Variants in LYN observed in about 807,000 individuals in gnomAD.
LYN encodes LYN proto-oncogene, Src family tyrosine kinase.
LYN carries 12 observed loss-of-function variants against 65.0 expected under a neutral mutation model. That is an observed-to-expected ratio of 0.18 (90% CI 0.12 to 0.30). LYN has a LOEUF of 0.30. Ranked by LOEUF, LYN falls within the 10% of genes least tolerant of loss-of-function variation. The probability of loss-of-function intolerance (pLI) is 1.00; values close to 1 mark genes in which losing one functional copy is unlikely to be tolerated. For missense variants in LYN, 380 were observed against 623.2 expected, an observed-to-expected ratio of 0.61 and a Z score of 4.16; for synonymous variants, 222 against 221.2, an observed-to-expected ratio of 1.00 and a Z score of -0.03.
intron 1 of LYN, among the ~76,000 whole-genome samples, chr8:55,894,887 C>T (rs1194688733): frequency 6.6e-6 from 1 of 152,096 alleles, no homozygotes; most frequent in African/African-American, 2.4e-5. Context: ...CCATGTTGCC[C>T]AGGCTGGTTT....
At chr8:55,945,162 G>A (rs1806737603) in intron 2 of LYN, among the ~76,000 whole-genome samples, 1 of 152,152 alleles carries the variant, frequency 6.6e-6, no homozygotes, top group Admixed American at 6.5e-5. Context: ...GCCATTTTAA[G>A]GAAAAATCTA....
At chr8:55,972,350 C>A (rs1807632233) in intron 10 of LYN, among the ~76,000 whole-genome samples, 1 of 152,184 alleles carries the variant, frequency 6.6e-6, no homozygotes, top group African/African-American at 2.4e-5. Flanking sequence ...GCTGGTGAGA[C>A]CACCTGGTCT....
At chr8:55,921,519 G>A (rs1020655167) in intron 1 of LYN, among the ~76,000 whole-genome samples, 1 of 152,218 alleles carries the variant, frequency 6.6e-6, no homozygotes, top group African/African-American at 2.4e-5. Flanking sequence ...TGATTGTGGA[G>A]AGAAGAAATC....
chr8:55,896,284 A>G (rs958027300), intron 1 of LYN, among the ~76,000 whole-genome samples: 2 of 152,134 alleles, frequency 1.3e-5, no homozygotes, highest in African/African-American at 4.8e-5. Flanking sequence ...AAAAAAAAGA[A>G]AAGAAAAAGA....
chr8:55,953,953 T>C lies in LYN; in HGVS notation c.759T>C (p.Leu253=). 1.2e-6 allele frequency: 2 copies of C among 1,614,108 alleles called. No homozygotes were observed. The highest frequency in any genetic ancestry group is 2.7e-5 in the African/African-American group (2 of 75,046). Residue 253 remains leucine, a synonymous_variant, in exon 8 of 13, where the codon CTT becomes CTC. Transcript: ENST00000519728. ...AGTCCATCAAGTTGGTGAAAAGGCT[T>C]GGCGCTGGGCAGTTTGGGGAAGTCT... ...PRESIKLVKR[L]GAGQFGEVWM...
intron 1 of LYN, among the ~76,000 whole-genome samples, chr8:55,917,217 G>T (rs572750182): frequency 6.6e-6 from 1 of 151,556 alleles, no homozygotes; most frequent in Non-Finnish European, 1.5e-5. Context: ...ATGGGATCTT[G>T]CGCTGTCACC....
In LYN at chr8:56,011,210, C is replaced by G. The variant is rs1002549453; in HGVS notation, c.*1100C>G. ...TGAAGGAACATAAGTGACTACAAGG[C>G]TCTAATAAGCCACGGTGGCAGGAGG... On this transcript the variant is annotated 3_prime_UTR_variant, in exon 13 of 13. Coordinates refer to ENST00000519728, the MANE Select transcript of LYN (RefSeq NM_002350.4). The G allele has an allele frequency of 1.8e-5, 4 of 227,550 alleles. No individual in the cohort carries two copies. Among genetic ancestry groups the G allele is most frequent in the Admixed American group, 1.7e-4 (3 of 17,600 alleles). The allele number at this position is 227,550 out of a possible 1,614,324, so 14.1% of individuals were successfully genotyped here. A position where few individuals can be genotyped will look rare whatever the true frequency, so the allele number is the denominator to read the frequency against.
chr8:55,880,135 GC>G, intron 1 of LYN, 32 bp downstream of exon 1: 1 of 231,614 alleles, frequency 4.3e-6, no homozygotes, highest in Non-Finnish European at 8.6e-6. Context: ...AGGGGTGGGC[GC>G]GGGCACGCGG....
chr8:55,964,726 A>G (rs1807397809), intron 8 of LYN, among the ~76,000 whole-genome samples: 1 of 152,194 alleles, frequency 6.6e-6, no homozygotes, highest in South Asian at 2.1e-4. Flanking sequence ...AGAGAAGAGA[A>G]GAGAAAAGAA....
chr8:55,929,311 T>C (rs1037591648), intron 1 of LYN, among the ~76,000 whole-genome samples: 1 of 152,214 alleles, frequency 6.6e-6, no homozygotes, highest in Non-Finnish European at 1.5e-5. Flanking sequence ...TAAGTGAGAC[T>C]AAGACTTAGT....
intron 12 of LYN, among the ~76,000 whole-genome samples, chr8:56,009,013 G>A (rs1271350478): frequency 6.6e-6 from 1 of 152,146 alleles, no homozygotes; most frequent in Admixed American, 6.5e-5. Context: ...TAACTATTTG[G>A]CAAGCATGTA....
rs1335100545 is a variant in LYN, at chr8:56,010,245, T to C, written c.*135T>C. On this transcript the variant is annotated 3_prime_UTR_variant, in exon 13 of 13. Coordinates refer to ENST00000519728, the MANE Select transcript of LYN (RefSeq NM_002350.4). The stretch of plus-strand genomic sequence containing the variant: ...CCTGGATCCTGAAATAGAGGCTAAA[T>C]TACTCAGGAAGAACACCCTCTAAAT... 20 of 836,948 alleles carry C rather than the reference T, an allele frequency of 2.4e-5. No homozygotes were observed. The highest frequency in any genetic ancestry group is 3.2e-5 in the Non-Finnish European group (17 of 530,730). The allele number at this position is 836,948 out of a possible 1,614,324, so 51.8% of individuals were successfully genotyped here. A position where few individuals can be genotyped will look rare whatever the true frequency, so the allele number is the denominator to read the frequency against.
chr8:55,974,547 G>T (rs368445189), intron 10 of LYN, among the ~76,000 whole-genome samples: 1 of 152,174 alleles, frequency 6.6e-6, no homozygotes, highest in East Asian at 1.9e-4. Context: ...AGAAAACAGT[G>T]TATAGATTGG....
chr8:55,906,386 G>T (rs879266615), intron 1 of LYN, among the ~76,000 whole-genome samples: 4 of 151,826 alleles, frequency 2.6e-5, no homozygotes, highest in African/African-American at 9.7e-5. Flanking sequence ...TCAATCTGTC[G>T]CCCAGACTGG....
At chr8:55,965,219 T>C (rs1431540404) in intron 8 of LYN, among the ~76,000 whole-genome samples, 1 of 151,692 alleles carries the variant, frequency 6.6e-6, no homozygotes, top group Non-Finnish European at 1.5e-5. Flanking sequence ...TACTAAGGAG[T>C]CAGTATTGCC....
At chr8:55,972,007 C>G (rs1288794564) in intron 10 of LYN, among the ~76,000 whole-genome samples, 3 of 152,106 alleles carry the variant, frequency 2.0e-5, no homozygotes. Flanking sequence ...GACAGGAGGG[C>G]CTGGGGGCAA....
intron 1 of LYN, among the ~76,000 whole-genome samples, chr8:55,939,992 T>A (rs1232403325): frequency 1.3e-5 from 2 of 152,196 alleles, no homozygotes; most frequent in Admixed American, 6.5e-5. Flanking sequence ...ATACCTCAAG[T>A]AATGAAATGA....
intron 10 of LYN, among the ~76,000 whole-genome samples, chr8:55,984,859 C>G (rs1409229352): frequency 1.3e-5 from 2 of 152,244 alleles, no homozygotes; most frequent in Non-Finnish European, 2.9e-5. Flanking sequence ...TCAGAAGTTA[C>G]TCCTTTTCAT....
chr8:55,966,813 C>T lies in LYN; in HGVS notation c.889C>T (p.Leu297=), dbSNP rs770161458. The T allele has an allele frequency of 3.7e-6, 6 of 1,613,996 alleles. No individual in the cohort carries two copies. The African/African-American group carries it at 8.0e-5, about 22-fold the overall frequency. The change falls in exon 9 of 13, where the codon CTG becomes TTG. Residue 297 remains leucine, a synonymous_variant. Coordinates refer to ENST00000519728, the MANE Select transcript of LYN (RefSeq NM_002350.4). The stretch of plus-strand genomic sequence containing the variant: ...GGAAGAAGCCAACCTCATGAAGACC[C>T]TGCAGCATGACAAGCTCGTGAGGCT... The part of the protein sequence containing the change: ...FLEEANLMKT[L]QHDKLVRLYA...
Sources: allele counts gnomAD v4.1 joint callset (sites outside exome capture counted in the v4.1 genomes callset), GRCh38; gene constraint gnomAD v4.1.1; transcripts MANE v1.5; gene names NCBI Gene and HGNC (gene_info 2026-07-23, HGNC 2026-07-21).